The following TMEM131 variants were observed in gnomAD, a reference collection of about 807,000 sequenced individuals.
TMEM131 encodes the protein transmembrane protein 131, also known as 2610524E03Rik.
TMEM131 carries 66 observed loss-of-function variants against 211.6 expected under a neutral mutation model. The observed-to-expected ratio is 0.31, with a 90% CI of 0.26 to 0.38. TMEM131 has a LOEUF of 0.38. TMEM131 is among the 10% of genes least tolerant of loss of function. The probability of loss-of-function intolerance (pLI) is 1.00; values close to 1 mark genes in which losing one functional copy is unlikely to be tolerated. For missense variants in TMEM131, 2,036 were observed against 2,299.3 expected (o/e 0.89, Z 2.34); for synonymous variants, 844 against 841.3 (o/e 1.00, Z -0.06).
intron 11 of TMEM131, among the ~76,000 whole-genome samples, chr2:97,824,958 C>CCTGCTCTCT (rs1682304814): frequency 1.3e-5 from 2 of 152,104 alleles, no homozygotes; most frequent in Admixed American, 1.3e-4. Context: ...CCAGTTGTAC[C>CCTGCTCTCT]CAACCCCTAT....
intron 12 of TMEM131, among the ~76,000 whole-genome samples, chr2:97,816,397 A>G (rs1370788065): frequency 1.3e-5 from 2 of 152,232 alleles, no homozygotes; most frequent in African/African-American, 4.8e-5. Flanking sequence ...AAATTGATTC[A>G]GTTGGGTCCA....
Position 97,889,336 on chromosome 2 carries a change from C to A in TMEM131, c.291-1216G>T, listed in dbSNP as rs61370583. 3.0e-3 allele frequency among the ~76,000 whole-genome samples: 459 copies of A among 152,172 alleles called. 1 individual carries two copies. Among genetic ancestry groups the A allele is most frequent in the African/African-American group, 0.011 (441 of 41,524 alleles). Reference sequence around the variant, plus strand: ...ACACCGGGACATGAAGGCACAATTCCTTGCAACACAGTGTTGGCATCTATT... The same window carrying A: ...ACACCGGGACATGAAGGCACAATTCATTGCAACACAGTGTTGGCATCTATT... On this transcript the variant is annotated intron_variant, in intron 3 of 40. Transcript: ENST00000186436.
chr2:97,837,464 C>T (rs932544858), intron 7 of TMEM131, among the ~76,000 whole-genome samples: 6 of 152,138 alleles, frequency 3.9e-5, no homozygotes, highest in Non-Finnish European at 8.8e-5. Flanking sequence ...CAAAGGGAAT[C>T]ACTTACAAAA....
intron 11 of TMEM131, chr2:97,827,211 C>T: frequency 1.4e-6 from 1 of 721,262 alleles, no homozygotes; most frequent in Non-Finnish European, 2.6e-6. Context: ...GCGCCGCGGC[C>T]CGCAGGCACC....
At chr2:97,827,901 G>C (rs1559385052) in intron 11 of TMEM131, among the ~76,000 whole-genome samples, 1 of 152,030 alleles carries the variant, frequency 6.6e-6, no homozygotes, top group Admixed American at 6.5e-5. Context: ...AGTCAGTCCT[G>C]CATTTAATGT....
At chr2:97,892,503 G>T (rs1420699857) in intron 3 of TMEM131, among the ~76,000 whole-genome samples, 1 of 152,102 alleles carries the variant, frequency 6.6e-6, no homozygotes, top group Non-Finnish European at 1.5e-5. Context: ...TGGGACTACA[G>T]ACACACACCA....
Position 97,841,928 on chromosome 2 carries a change from C to T in TMEM131, c.610G>A (p.Val204Ile). ...HGVFTYQVFG[V>I]GVPNPYRLRP... Reference sequence around the variant, plus strand: ...AATCGATATGGATTTGGAACTCCAACACCAAATACCTGTTTCAGTGGAGGA... The same window carrying T: ...AATCGATATGGATTTGGAACTCCAATACCAAATACCTGTTTCAGTGGAGGA... Residue 204 changes from valine to isoleucine, a missense_variant, in exon 7 of 41, where the codon GTT becomes ATT. This residue lies in a region of TMEM131 where 277 missense variants were observed against 378.0 expected (regional missense o/e 0.73). Transcript: ENST00000186436. The T allele has an allele frequency of 1.3e-6, 2 of 1,559,666 alleles. No homozygotes were observed. Among genetic ancestry groups the T allele is most frequent in the East Asian group, 2.3e-5 (1 of 43,712 alleles).
chr2:97,885,009 T>G (rs1354579589), intron 4 of TMEM131, among the ~76,000 whole-genome samples: 1 of 152,218 alleles, frequency 6.6e-6, no homozygotes, highest in Non-Finnish European at 1.5e-5. Flanking sequence ...TGTGCTTGGG[T>G]GGTTTTCCAC....
chr2:97,841,546 C>G (rs1156287248), intron 7 of TMEM131, among the ~76,000 whole-genome samples: 1 of 152,130 alleles, frequency 6.6e-6, no homozygotes, highest in Non-Finnish European at 1.5e-5. Context: ...AAATGCAGAG[C>G]TGCCTAAACT....
At chr2:97,836,533 T>C (rs1004157483) in intron 8 of TMEM131, among the ~76,000 whole-genome samples, 2 of 152,226 alleles carry the variant, frequency 1.3e-5, no homozygotes, top group Non-Finnish European at 2.9e-5. Flanking sequence ...TTCTTTAATT[T>C]GGTTAATATT....
At chr2:97,820,510 G>A (rs527733202) in intron 11 of TMEM131, among the ~76,000 whole-genome samples, 2 of 152,162 alleles carry the variant, frequency 1.3e-5, no homozygotes, top group South Asian at 4.1e-4. Flanking sequence ...TTTAACTAGA[G>A]ATGTGAGCTT....
intron 2 of TMEM131, among the ~76,000 whole-genome samples, chr2:97,919,105 C>G (rs1318810294): frequency 6.6e-6 from 1 of 152,106 alleles, no homozygotes; most frequent in Non-Finnish European, 1.5e-5. Flanking sequence ...ACTGACAGAC[C>G]CAGGTAGAAG....
At chr2:97,972,229 G>GAA (rs1679327807) in intron 1 of TMEM131, among the ~76,000 whole-genome samples, 1 of 151,934 alleles carries the variant, frequency 6.6e-6, no homozygotes, top group African/African-American at 2.4e-5. Context: ...GAAAAATCCA[G>GAA]AACTCATGAC....
At chr2:97,940,590 C>T (rs1175227444) in intron 1 of TMEM131, among the ~76,000 whole-genome samples, 3 of 152,042 alleles carry the variant, frequency 2.0e-5, no homozygotes, top group Non-Finnish European at 4.4e-5. Context: ...GGGCGGATCA[C>T]GAGGTCAGGA....
At chr2:97,932,141 TAA>T (rs34976723) in intron 1 of TMEM131, among the ~76,000 whole-genome samples, 263 of 135,000 alleles carry the variant, frequency 1.9e-3, no homozygotes, top group Middle Eastern at 3.8e-3. Context: ...GACCCTGTCT[TAA>T]AAAAAAAAAA....
At position 97,762,040 on chromosome 2, in the gene TMEM131, G is replaced by A. The variant is rs1678878127; in HGVS notation, c.4884C>T (p.Ser1628=). The part of the protein sequence containing the change: ...GSYSSIVNSS[S]SSDPKIKQPN... ...AAAGGAAGCAGCAGGCCTACCTGCT[G>A]GAGCTGCTGTTGACGATGCTGCTGT... Residue 1628 remains serine, a synonymous_variant, in exon 36 of 41, where the codon TCC becomes TCT. Coordinates refer to ENST00000186436, the MANE Select transcript of TMEM131 (RefSeq NM_015348.2). The A allele has an allele frequency of 6.4e-7, 1 of 1,563,476 alleles. No individual in the cohort carries two copies.
At chr2:97,977,683 T>C (rs1260472194) in intron 1 of TMEM131, among the ~76,000 whole-genome samples, 2 of 152,198 alleles carry the variant, frequency 1.3e-5, no homozygotes, top group African/African-American at 2.4e-5. Flanking sequence ...CTAACAATTA[T>C]CTGAACCTTC....
intron 1 of TMEM131, among the ~76,000 whole-genome samples, chr2:97,938,937 A>G (rs1383533091): frequency 2.0e-5 from 3 of 152,232 alleles, no homozygotes; most frequent in African/African-American, 7.2e-5. Context: ...TACTGGGTAC[A>G]TAACGAAATG....
chr2:97,850,874 C>T (rs191733047), intron 5 of TMEM131, among the ~76,000 whole-genome samples: 5 of 152,114 alleles, frequency 3.3e-5, no homozygotes, highest in African/African-American at 1.2e-4. Flanking sequence ...TTTATGAGAA[C>T]TTAATTTGAT....
Sources: allele counts gnomAD v4.1 joint callset (sites outside exome capture counted in the v4.1 genomes callset), GRCh38; gene constraint gnomAD v4.1.1; regional missense constraint gnomAD v4.1.1; transcripts MANE v1.5; gene names NCBI Gene and HGNC (gene_info 2026-07-23, HGNC 2026-07-21).